Variants in NSUN6 observed in about 807,000 individuals in gnomAD.
The protein encoded by NSUN6 is NOP2/Sun RNA methyltransferase 6.
NSUN6 carries 64 observed loss-of-function variants against 58.0 expected under a neutral mutation model. The observed-to-expected ratio is 1.10, with a 90% CI of 0.90 to 1.36. The LOEUF (loss-of-function observed/expected upper bound fraction) is 1.36, where lower values mean the gene tolerates loss of function less well. Among genes scored for constraint, NSUN6 ranks in the 40% most tolerant of loss-of-function variants. The pLI, the probability that NSUN6 is intolerant of heterozygous loss-of-function variation, is 0.00. For synonymous variants in NSUN6, 231 were observed against 193.9 expected (o/e 1.19, Z -1.59); for missense variants, 701 against 550.1 (o/e 1.27, Z -2.74).
intron 8 of NSUN6, among the ~76,000 whole-genome samples, chr10:18,576,961 G>A (rs1042528020): frequency 4.6e-5 from 7 of 152,256 alleles, no homozygotes; most frequent in Non-Finnish European, 8.8e-5. Flanking sequence ...CTATTTAGAC[G>A]CAATTGGAGT....
chr10:18,582,522 G>T (rs896780906), intron 8 of NSUN6, among the ~76,000 whole-genome samples: 43 of 152,186 alleles, frequency 2.8e-4, no homozygotes, highest in African/African-American at 8.9e-4. Context: ...ATGAGACAGC[G>T]AGAAGAGCCT....
chr10:18,593,636 T>C (rs2057462371), intron 7 of NSUN6, among the ~76,000 whole-genome samples: 1 of 151,900 alleles, frequency 6.6e-6, no homozygotes, highest in African/African-American at 2.4e-5. Context: ...ATGTTCTCAC[T>C]CATAAGTGGG....
intron 8 of NSUN6, among the ~76,000 whole-genome samples, chr10:18,578,917 C>T (rs9417464): frequency 1.3e-5 from 2 of 152,174 alleles, no homozygotes; most frequent in Middle Eastern, 3.4e-3. Flanking sequence ...AACCTGTCAA[C>T]GGTAATGGTA....
chr10:18,595,509 C>G lies in NSUN6; in HGVS notation c.777+699G>C, dbSNP rs556266112. Among the ~76,000 whole-genome samples, 12 of 152,278 alleles carry G rather than the reference C, an allele frequency of 7.9e-5. No individual in the cohort carries two copies. The South Asian group carries it at 2.5e-3, about 32-fold the overall frequency. On this transcript the variant is annotated intron_variant, in intron 7 of 10. Coordinates refer to ENST00000377304, the MANE Select transcript of NSUN6 (RefSeq NM_182543.5). ...ACATCACAACGCCACAAAATCAACC[C>G]TTCTTATTTCAGGTGCTTTATTTTA...
intron 2 of NSUN6, among the ~76,000 whole-genome samples, chr10:18,645,266 C>CTATA (rs148151270): frequency 3.2e-5 from 1 of 31,068 alleles, no homozygotes; most frequent in African/African-American, 1.2e-4. Context: ...GTCCACATGG[C>CTATA]TGAGATAGTG....
At chr10:18,620,006 T>C (rs1024181378) in intron 3 of NSUN6, among the ~76,000 whole-genome samples, 2 of 152,188 alleles carry the variant, frequency 1.3e-5, no homozygotes, top group Admixed American at 1.3e-4. Context: ...AAGTTACTAA[T>C]GGGTCATGAT....
intron 3 of NSUN6, among the ~76,000 whole-genome samples, chr10:18,627,177 A>C (rs138647299): frequency 6.6e-6 from 1 of 152,356 alleles, no homozygotes; most frequent in African/African-American, 2.4e-5. Flanking sequence ...ATCTCGTCTT[A>C]AGTAAACTGA....
At chr10:18,657,298 A>C (rs1470631899), upstream of NSUN6, among the ~76,000 whole-genome samples, 1 of 152,222 alleles carries the variant, frequency 6.6e-6, no homozygotes, top group Non-Finnish European at 1.5e-5. Flanking sequence ...ATCAGCAAAC[A>C]AAACTTTTAA....
At chr10:18,588,117 C>T (rs1467703051) in intron 7 of NSUN6, among the ~76,000 whole-genome samples, 3 of 152,186 alleles carry the variant, frequency 2.0e-5, no homozygotes, top group African/African-American at 7.2e-5. Flanking sequence ...CTTCAGGAGG[C>T]TGTTGTACCT....
intron 3 of NSUN6, among the ~76,000 whole-genome samples, chr10:18,628,109 G>C (rs1254735249): frequency 1.3e-5 from 2 of 152,158 alleles, no homozygotes; most frequent in Non-Finnish European, 2.9e-5. Context: ...TGACCCCTGA[G>C]CAGCCTAACT....
At chr10:18,548,259 C>A in intron 9 of NSUN6, 22 bp from the exon 10 acceptor site, 1 of 1,600,944 alleles carries the variant, frequency 6.2e-7, no homozygotes, top group Non-Finnish European at 8.5e-7. Context: ...TGTGATCAGA[C>A]CACACACAGC....
chr10:18,545,873 A>AAAAAAC lies in NSUN6; in HGVS notation c.*59_*60insGTTTTT. 5 of 1,043,714 alleles carry AAAAAAC rather than the reference A, an allele frequency of 4.8e-6. No individual in the cohort carries two copies. Among genetic ancestry groups the AAAAAAC allele is most frequent in the Non-Finnish European group, 7.2e-6 (5 of 695,436 alleles). The allele number at this position is 1,043,714 out of a possible 1,614,324, so 64.7% of individuals were successfully genotyped here. A position where few individuals can be genotyped will look rare whatever the true frequency, so the allele number is the denominator to read the frequency against. ...TGGCCTGACAACACTTTGGTTAAAA[A>AAAAAAC]AAAAAAAACCACAGACAGCAAATGT... On this transcript the variant is annotated 3_prime_UTR_variant, in exon 11 of 11. Transcript: ENST00000377304.
At chr10:18,578,209 A>G (rs984922885) in intron 8 of NSUN6, among the ~76,000 whole-genome samples, 1 of 149,202 alleles carries the variant, frequency 6.7e-6, no homozygotes, top group Non-Finnish European at 1.5e-5. Context: ...GCCCAGCTCC[A>G]TGGAGCCTCT....
At chr10:18,638,789 G>T (rs1162908782) in intron 3 of NSUN6, among the ~76,000 whole-genome samples, 1 of 151,914 alleles carries the variant, frequency 6.6e-6, no homozygotes, top group Non-Finnish European at 1.5e-5. Context: ...TTAGGGAAAG[G>T]GCAGGGGGTG....
intron 8 of NSUN6, among the ~76,000 whole-genome samples, chr10:18,573,651 A>C (rs1388908468): frequency 2.0e-5 from 3 of 152,196 alleles, no homozygotes; most frequent in African/African-American, 7.2e-5. Context: ...TGATGAAGAT[A>C]TAGGGAAGGT....
intron 8 of NSUN6, among the ~76,000 whole-genome samples, chr10:18,566,405 T>TTCTTCTC (rs2055949284): frequency 6.7e-6 from 1 of 148,678 alleles, no homozygotes; most frequent in Non-Finnish European, 1.5e-5. Context: ...CCATTCTTCT[T>TTCTTCTC]CATTCTATTC....
At chr10:18,589,137 A>C (rs1207911866) in intron 7 of NSUN6, among the ~76,000 whole-genome samples, 1 of 152,228 alleles carries the variant, frequency 6.6e-6, no homozygotes, top group Non-Finnish European at 1.5e-5. Flanking sequence ...AAGTATCAAT[A>C]GACAAATCGA....
chr10:18,627,962 G>A (rs928311926), intron 3 of NSUN6, among the ~76,000 whole-genome samples: 6 of 152,256 alleles, frequency 3.9e-5, no homozygotes, highest in Admixed American at 3.9e-4. Context: ...GCAGGGCACA[G>A]ACAAACAAAT....
rs1207075458 is a variant in NSUN6 at position 18,564,778 on chromosome 10, TTC to T, written c.923-12809_923-12808del. On this transcript the variant is annotated intron_variant, in intron 8 of 10. Transcript: ENST00000377304. Reference sequence around the variant, plus strand: ...CCATACCATACTGCATTCCATTCCATTCTCCATTCCATTCCATTCTGCATTCC... The same window carrying T: ...CCATACCATACTGCATTCCATTCCATTCCATTCCATTCCATTCTGCATTCC... Among the ~76,000 whole-genome samples the T allele has an allele frequency of 2.3e-4, 13 of 57,050 alleles. No individual in the cohort carries two copies. In the East Asian group the frequency reaches 7.6e-3, roughly 33 times the overall value. The allele number at this position is 57,050 out of a possible 152,430, so 37.4% of individuals were successfully genotyped here.
Sources: allele counts gnomAD v4.1 joint callset (sites outside exome capture counted in the v4.1 genomes callset), GRCh38; gene constraint gnomAD v4.1.1; transcripts MANE v1.5; gene names NCBI Gene and HGNC (gene_info 2026-07-23, HGNC 2026-07-21).